AGMO: variants seen among roughly 807,000 people sequenced by gnomAD.
The protein encoded by AGMO is glyceryl-ether monooxygenase.
In AGMO, 75 loss-of-function variants were observed where a neutral mutation model predicts 60.2. The ratio of observed to expected loss-of-function variants is 1.25; its 90% CI spans 1.03 to 1.51. The LOEUF (loss-of-function observed/expected upper bound fraction) is 1.51. Ranked by LOEUF, AGMO falls within the 40% of genes most tolerant of loss-of-function variation. The pLI is 0.00. For synonymous variants in AGMO, 261 were observed against 177.1 expected (o/e 1.47, Z -3.76); for missense variants, 763 against 525.5 (o/e 1.45, Z -4.42).
chr7:15,226,062 G>A (rs187530579), intron 12 of AGMO, among the ~76,000 whole-genome samples: 74 of 152,052 alleles, frequency 4.9e-4, no homozygotes, highest in African/African-American at 1.7e-3. Context: ...AAAGTTTATC[G>A]TTGCTTTCTT....
At chr7:15,378,380 T>C (rs1359714414) in intron 10 of AGMO, among the ~76,000 whole-genome samples, 1 of 152,040 alleles carries the variant, frequency 6.6e-6, no homozygotes, top group Non-Finnish European at 1.5e-5. Flanking sequence ...ATGGTTTTTG[T>C]TGGTTTAATG....
chr7:15,498,553 T>C (rs1008731509), intron 3 of AGMO, among the ~76,000 whole-genome samples: 1 of 151,988 alleles, frequency 6.6e-6, no homozygotes, highest in African/African-American at 2.4e-5. Flanking sequence ...ATCATGTTTG[T>C]ATAAGGTATT....
intron 12 of AGMO, among the ~76,000 whole-genome samples, chr7:15,254,554 T>C (rs947584114): frequency 2.0e-5 from 3 of 152,182 alleles, no homozygotes; most frequent in African/African-American, 4.8e-5. Flanking sequence ...TGAGGTCTTT[T>C]GACCATTTAA....
intron 4 of AGMO, among the ~76,000 whole-genome samples, chr7:15,423,143 A>G (rs1014848278): frequency 6.6e-6 from 1 of 152,224 alleles, no homozygotes; most frequent in Non-Finnish European, 1.5e-5. Flanking sequence ...ACTAATGTAC[A>G]TATTTCTAGG....
At chr7:15,248,179 CATATATATAT>C (rs71549925) in intron 12 of AGMO, among the ~76,000 whole-genome samples, 1,466 of 32,584 alleles carry the variant, frequency 0.045, 42 homozygotes, top group Non-Finnish European at 0.092. Context: ...GATCCAGCAC[CATATATATAT>C]ATATATATAT....
chr7:15,437,401 T>G (rs1164704740), intron 3 of AGMO, among the ~76,000 whole-genome samples: 1 of 152,210 alleles, frequency 6.6e-6, no homozygotes, highest in East Asian at 1.9e-4. Context: ...AACTACCAAA[T>G]TAATTAGAAT....
intron 10 of AGMO, among the ~76,000 whole-genome samples, chr7:15,370,687 C>CTTTTGAGAGGTGCG (rs1783174922): frequency 7.8e-6 from 1 of 127,422 alleles, no homozygotes; most frequent in Admixed American, 9.5e-5. Flanking sequence ...TGTATGTCTG[C>CTTTTGAGAGGTGCG]TTTTGAGAGG....
rs1491107858 is a variant in AGMO, at chr7:15,354,493, C to CGT, written c.1263+11019_1263+11020dup. On this transcript the variant is annotated intron_variant, in intron 12 of 12. Coordinates refer to ENST00000342526, the MANE Select transcript of AGMO (RefSeq NM_001004320.2). Reference sequence around the variant, plus strand: ...GTATACACACGTGTGTATATACACACGTGTATATATATATATATATATATA... The same window carrying CGT: ...GTATACACACGTGTGTATATACACACGTGTGTATATATATATATATATATATA... 5.7e-3 allele frequency among the ~76,000 whole-genome samples: 68 copies of CGT among 11,888 alleles called. 1 individual carries two copies. The highest frequency in any genetic ancestry group is 9.5e-3 in the Admixed American group (9 of 948). The allele number at this position is 11,888 out of a possible 152,430, so 7.8% of individuals were successfully genotyped here.
chr7:15,512,568 CT>C (rs529046835), intron 3 of AGMO, among the ~76,000 whole-genome samples: 125 of 152,208 alleles, frequency 8.2e-4, no homozygotes, highest in Non-Finnish European at 1.4e-3. Context: ...TCTGATACTC[CT>C]TTTTCAATTG....
At chr7:15,321,612 GAATTT>G (rs541828234) in intron 12 of AGMO, among the ~76,000 whole-genome samples, 183 of 152,092 alleles carry the variant, frequency 1.2e-3, no homozygotes, top group African/African-American at 4.1e-3. Context: ...TTAAAGTTTT[GAATTT>G]AATAGTGCAA....
At chr7:15,448,639 A>G (rs1210108011) in intron 3 of AGMO, among the ~76,000 whole-genome samples, 2 of 142,400 alleles carry the variant, frequency 1.4e-5, no homozygotes, top group Admixed American at 7.2e-5. Flanking sequence ...TGCCTAGGCC[A>G]TTGCCAAGAT....
intron 12 of AGMO, among the ~76,000 whole-genome samples, chr7:15,301,359 A>C (rs943724915): frequency 3.9e-5 from 6 of 152,170 alleles, no homozygotes; most frequent in Non-Finnish European, 7.3e-5. Flanking sequence ...GAATCACGTG[A>C]ACCCAGAAAG....
rs114555287 is a variant in AGMO, at chr7:15,346,102, T to C, written c.1263+19412A>G. On this transcript the variant is annotated intron_variant, in intron 12 of 12. Transcript: ENST00000342526. Reference sequence around the variant, plus strand: ...AATGCTGATTCCCGCTTGGTTGGTATAGCCAAAAATTCTGTTAAATTCAGA... The same window carrying C: ...AATGCTGATTCCCGCTTGGTTGGTACAGCCAAAAATTCTGTTAAATTCAGA... Among the ~76,000 whole-genome samples the C allele has an allele frequency of 5.0e-3, 755 of 152,294 alleles. 10 individuals are homozygous for C. Among genetic ancestry groups the C allele is most frequent in the African/African-American group, 0.017 (708 of 41,588 alleles).
chr7:15,511,295 G>A (rs1783667229), intron 3 of AGMO, among the ~76,000 whole-genome samples: 1 of 152,130 alleles, frequency 6.6e-6, no homozygotes. Flanking sequence ...TAGTATGAAA[G>A]CAAAGTACCT....
intron 12 of AGMO, among the ~76,000 whole-genome samples, chr7:15,248,870 A>G (rs572309878): frequency 2.0e-5 from 3 of 152,322 alleles, no homozygotes; most frequent in Non-Finnish European, 2.9e-5. Context: ...TACAACGCCA[A>G]TCACTGCAAT....
At chr7:15,440,455 G>C (rs1252437196) in intron 3 of AGMO, among the ~76,000 whole-genome samples, 1 of 152,180 alleles carries the variant, frequency 6.6e-6, no homozygotes, top group Non-Finnish European at 1.5e-5. Flanking sequence ...AAAAGCCACA[G>C]TGTAATTTGT....
chr7:15,499,821 A>G (rs1460254461), intron 3 of AGMO, among the ~76,000 whole-genome samples: 2 of 151,526 alleles, frequency 1.3e-5, no homozygotes, highest in Non-Finnish European at 3.0e-5. Context: ...GTTCTCCAAG[A>G]TATTTTACTC....
chr7:15,359,408 T>C (rs1782666299), intron 12 of AGMO, among the ~76,000 whole-genome samples: 1 of 152,170 alleles, frequency 6.6e-6, no homozygotes, highest in South Asian at 2.1e-4. Flanking sequence ...TGTGTGGTTT[T>C]CTATTACTGT....
intron 12 of AGMO, among the ~76,000 whole-genome samples, chr7:15,203,988 G>A (rs967248452): frequency 1.3e-4 from 20 of 151,760 alleles, no homozygotes; most frequent in Non-Finnish European, 1.9e-4. Context: ...AACAAATTTG[G>A]AATTTTTATA....
Sources: gnomAD v4.1 joint callset for allele counts (sites outside exome capture counted in the v4.1 genomes callset) on GRCh38, gnomAD v4.1.1 for gene constraint, MANE v1.5 for transcripts, NCBI Gene and HGNC (gene_info 2026-07-23, HGNC 2026-07-21) for gene names.